The following COL24A1 variants were observed in gnomAD, a reference collection of about 807,000 sequenced individuals.
The protein encoded by COL24A1 is collagen alpha-1(XXIV) chain.
A neutral mutation model predicts 253.9 loss-of-function variants in COL24A1; 224 were observed. The observed-to-expected ratio is 0.88, with a 90% CI of 0.79 to 0.99. The LOEUF (loss-of-function observed/expected upper bound fraction) is 0.99, where lower values mean the gene tolerates loss of function less well. Ranked by LOEUF, COL24A1 falls within the 50% of genes least tolerant of loss-of-function variation. The probability of loss-of-function intolerance (pLI) is 0.00; values close to 1 mark genes in which losing one functional copy is unlikely to be tolerated. For synonymous variants in COL24A1, 685 were observed against 673.7 expected, an observed-to-expected ratio of 1.02 and a Z score of -0.26; for missense variants, 2,131 against 2,068.5, an observed-to-expected ratio of 1.03 and a Z score of -0.59.
rs1692994044 is a variant in COL24A1 at position 85,979,178 on chromosome 1, T to C, written c.2365-7785A>G. ...ACACAACCTATGAAAACCACTGGGA[T>C]ACGGCAAAAGCAGTAGCAAGAGGAA... On this transcript the variant is annotated intron_variant, in intron 20 of 59. Coordinates refer to ENST00000370571, the MANE Select transcript of COL24A1 (RefSeq NM_152890.7). 1.3e-5 allele frequency among the ~76,000 whole-genome samples: 2 copies of C among 152,152 alleles called. 1 individual carries two copies. The highest frequency in any genetic ancestry group is 4.1e-4 in the South Asian group (2 of 4,834).
intron 47 of COL24A1, among the ~76,000 whole-genome samples, chr1:85,805,048 C>T (rs1671822732): frequency 6.6e-6 from 1 of 152,068 alleles, no homozygotes; most frequent in Admixed American, 6.5e-5. Flanking sequence ...GCTATATCGC[C>T]CAGGTTGGTG....
intron 53 of COL24A1, among the ~76,000 whole-genome samples, chr1:85,767,392 T>C (rs1667491728): frequency 2.0e-5 from 3 of 152,032 alleles, no homozygotes. Flanking sequence ...TACTGAAAAA[T>C]TCCCAATGAA....
intron 47 of COL24A1, among the ~76,000 whole-genome samples, chr1:85,787,627 G>T (rs557797913): frequency 2.6e-5 from 4 of 152,260 alleles, no homozygotes; most frequent in African/African-American, 9.6e-5. Context: ...GGGCATTTGG[G>T]TTGATTCCAT....
intron 55 of COL24A1, among the ~76,000 whole-genome samples, chr1:85,755,918 A>C (rs867713070): frequency 0.025 from 2,962 of 120,706 alleles, 119 homozygotes; most frequent in African/African-American, 0.077. Context: ...AAAAAAAAAA[A>C]AACTTCTGTG....
At chr1:85,922,485 T>C (rs1298661788) in intron 24 of COL24A1, among the ~76,000 whole-genome samples, 4 of 152,176 alleles carry the variant, frequency 2.6e-5, no homozygotes, top group South Asian at 4.1e-4. Context: ...AGAAACTCTA[T>C]AAGCCAGAAG....
chr1:85,961,571 C>A (rs1028383601), intron 23 of COL24A1, among the ~76,000 whole-genome samples: 2 of 152,018 alleles, frequency 1.3e-5, no homozygotes, highest in African/African-American at 4.8e-5. Context: ...TGTGGCCTAC[C>A]CTCTATTTTC....
chr1:85,961,367 C>A, intron 23 of COL24A1, 74 bp from the exon 24 acceptor site: 1 of 1,220,066 alleles, frequency 8.2e-7, no homozygotes, highest in Non-Finnish European at 1.2e-6. Flanking sequence ...TTTCAATTTT[C>A]CTTTTTAATG....
In COL24A1 at chr1:85,998,996, T is replaced by A. The variant is rs111702176; in HGVS notation, c.2311-11342A>T. 4.2e-3 allele frequency among the ~76,000 whole-genome samples: 634 copies of A among 152,320 alleles called. 1 individual carries two copies. Among genetic ancestry groups the A allele is most frequent in the African/African-American group, 0.014 (586 of 41,566 alleles). On this transcript the variant is annotated intron_variant, in intron 19 of 59. Coordinates refer to ENST00000370571, the MANE Select transcript of COL24A1 (RefSeq NM_152890.7). Reference sequence around the variant, plus strand: ...AATCATTGAAACTGTCAGGCTAAATTGTTGGCTTGCAAATGGAATAAAATC... The same window carrying A: ...AATCATTGAAACTGTCAGGCTAAATAGTTGGCTTGCAAATGGAATAAAATC...
At chr1:86,148,965 A>C (rs1201118608) in intron 1 of COL24A1, among the ~76,000 whole-genome samples, 1 of 152,152 alleles carries the variant, frequency 6.6e-6, no homozygotes, top group African/African-American at 2.4e-5. Context: ...CAGTCCCACC[A>C]ACAGTGTAAA....
At chr1:86,050,210 C>T (rs2101676436) in intron 10 of COL24A1, 33 bp from the exon 11 acceptor site, 1 of 1,570,878 alleles carries the variant, frequency 6.4e-7, no homozygotes, top group South Asian at 1.1e-5. Flanking sequence ...TATATTAGTT[C>T]ATTTGAATAT....
intron 21 of COL24A1, among the ~76,000 whole-genome samples, chr1:85,970,601 C>T (rs1692063937): frequency 6.6e-6 from 1 of 152,054 alleles, no homozygotes; most frequent in Non-Finnish European, 1.5e-5. Context: ...GACATATTTA[C>T]TAAATATACT....
chr1:85,925,581 C>T (rs1687096514), intron 24 of COL24A1, among the ~76,000 whole-genome samples: 1 of 152,002 alleles, frequency 6.6e-6, no homozygotes. Flanking sequence ...GAAAGGATTC[C>T]CTATTTAATA....
intron 19 of COL24A1, among the ~76,000 whole-genome samples, chr1:85,992,652 T>A (rs80133350): frequency 0.067 from 10,217 of 152,204 alleles, 411 homozygotes; most frequent in Middle Eastern, 0.12. Context: ...AAAAACTACA[T>A]TAGCATGAAA....
intron 53 of COL24A1, among the ~76,000 whole-genome samples, chr1:85,768,487 G>A (rs1667606441): frequency 6.6e-6 from 1 of 151,702 alleles, no homozygotes; most frequent in African/African-American, 2.4e-5. Context: ...GGATGCCAGT[G>A]AGGAAGAATG....
At chr1:85,793,532 A>G (rs1043669140) in intron 47 of COL24A1, among the ~76,000 whole-genome samples, 1 of 152,126 alleles carries the variant, frequency 6.6e-6, no homozygotes, top group African/African-American at 2.4e-5. Context: ...CATGCTGTGG[A>G]CTTAGGATTC....
chr1:85,773,652 CATGATT>C (rs1486446780), intron 53 of COL24A1, among the ~76,000 whole-genome samples: 1 of 74,620 alleles, frequency 1.3e-5, no homozygotes, highest in Non-Finnish European at 3.5e-5. Flanking sequence ...GGAGTTCACT[CATGATT>C]TGGCTCTCTA....
intron 47 of COL24A1, among the ~76,000 whole-genome samples, chr1:85,811,669 T>G (rs1570715193): frequency 6.6e-6 from 1 of 152,384 alleles, no homozygotes; most frequent in African/African-American, 2.4e-5. Flanking sequence ...TGTGACGTGA[T>G]ATCTCATTTT....
At chr1:85,973,633 G>T (rs1692390125) in intron 20 of COL24A1, among the ~76,000 whole-genome samples, 2 of 152,248 alleles carry the variant, frequency 1.3e-5, no homozygotes, top group South Asian at 4.1e-4. Context: ...AACAGGCTCA[G>T]CTCCATAGCC....
chr1:85,971,926 A>C (rs1692205954), intron 20 of COL24A1, among the ~76,000 whole-genome samples: 1 of 152,218 alleles, frequency 6.6e-6, no homozygotes, highest in Non-Finnish European at 1.5e-5. Context: ...TTGCAGAAGA[A>C]AGTGAGTGTG....
Sources: gnomAD v4.1 joint callset for allele counts (sites outside exome capture counted in the v4.1 genomes callset) on GRCh38, gnomAD v4.1.1 for gene constraint, MANE v1.5 for transcripts, NCBI Gene and HGNC (gene_info 2026-07-23, HGNC 2026-07-21) for gene names.